Variants in RAD51B observed in about 807,000 individuals in gnomAD.
The protein encoded by RAD51B is DNA repair protein RAD51 homolog 2.
A neutral mutation model predicts 42.2 loss-of-function variants in RAD51B; 38 were observed. The observed-to-expected ratio is 0.90, with a 90% CI of 0.70 to 1.18. The LOEUF is 1.18. Ranked by LOEUF, RAD51B falls within the 50% of genes most tolerant of loss-of-function variation. The probability of loss-of-function intolerance (pLI) is 0.00; values close to 1 mark genes in which losing one functional copy is unlikely to be tolerated. For synonymous variants in RAD51B, 154 were observed against 145.2 expected (o/e 1.06, Z -0.43); for missense variants, 373 against 400.7 (o/e 0.93, Z 0.59).
chr14:67,875,195 A>G (rs1167242037), intron 5 of RAD51B, among the ~76,000 whole-genome samples: 1 of 152,188 alleles, frequency 6.6e-6, no homozygotes, highest in Admixed American at 6.5e-5. Context: ...TGGGAAGACA[A>G]TTAGTCCAGC....
intron 8 of RAD51B, among the ~76,000 whole-genome samples, chr14:68,292,478 G>C (rs535930232): frequency 6.6e-6 from 1 of 152,324 alleles, no homozygotes; most frequent in Admixed American, 6.5e-5. Flanking sequence ...TGCTAGCAAA[G>C]GTCAGGCTGG....
At chr14:68,241,555 TA>T (rs886678932) in intron 7 of RAD51B, among the ~76,000 whole-genome samples, 16 of 151,494 alleles carry the variant, frequency 1.1e-4, no homozygotes, top group African/African-American at 3.9e-4. Context: ...TATAAAAAAA[TA>T]AAAAAAAATT....
intron 5 of RAD51B, among the ~76,000 whole-genome samples, chr14:67,882,541 C>G (rs2042939343): frequency 6.6e-6 from 1 of 152,194 alleles, no homozygotes; most frequent in Non-Finnish European, 1.5e-5. Context: ...GATTCATATT[C>G]ATTTGCGTAA....
At chr14:68,275,794 C>CACA (rs2081209793) in intron 7 of RAD51B, among the ~76,000 whole-genome samples, 1 of 141,268 alleles carries the variant, frequency 7.1e-6, no homozygotes, top group African/African-American at 2.7e-5. Flanking sequence ...AACTAGCTCT[C>CACA]CACACACACA....
intron 7 of RAD51B, among the ~76,000 whole-genome samples, chr14:68,065,470 C>T (rs1241407262): frequency 1.3e-5 from 2 of 152,198 alleles, no homozygotes; most frequent in Non-Finnish European, 2.9e-5. Context: ...GGCTTGGGCA[C>T]TGCTTCCCTA....
intron 7 of RAD51B, among the ~76,000 whole-genome samples, chr14:68,198,573 G>A (rs1317267839): frequency 2.6e-5 from 4 of 152,074 alleles, no homozygotes; most frequent in African/African-American, 9.7e-5. Flanking sequence ...CCATGATCAT[G>A]TTTTCTCTCC....
intron 7 of RAD51B, among the ~76,000 whole-genome samples, chr14:68,071,461 G>A (rs1184223882): frequency 6.6e-6 from 1 of 152,036 alleles, no homozygotes; most frequent in Non-Finnish European, 1.5e-5. Context: ...TTTGTTTTTA[G>A]CACAAAAGGA....
intron 8 of RAD51B, among the ~76,000 whole-genome samples, chr14:68,375,324 C>A (rs541180273): frequency 1.2e-4 from 19 of 152,068 alleles, no homozygotes; most frequent in Non-Finnish European, 1.9e-4. Context: ...ATACTTTCTA[C>A]TTTTTATTCT....
chr14:68,490,694 A>G (rs1883996116), intron 10 of RAD51B, among the ~76,000 whole-genome samples: 2 of 152,210 alleles, frequency 1.3e-5, no homozygotes, highest in Admixed American at 1.3e-4. Context: ...CAAATCATCA[A>G]AGCTTTATTG....
At chr14:68,188,330 C>G (rs2079197323) in intron 7 of RAD51B, among the ~76,000 whole-genome samples, 1 of 149,332 alleles carries the variant, frequency 6.7e-6, no homozygotes, top group Admixed American at 6.7e-5. Context: ...CCTCCATTAC[C>G]TCCTCCCTTC....
intron 7 of RAD51B, among the ~76,000 whole-genome samples, chr14:67,906,725 G>A (rs1405274494): frequency 6.6e-6 from 1 of 151,788 alleles, no homozygotes; most frequent in African/African-American, 2.4e-5. Flanking sequence ...TATTTCTGTG[G>A]GGTTGCTGGT....
At chr14:68,230,947 A>T (rs1275187072) in intron 7 of RAD51B, among the ~76,000 whole-genome samples, 1 of 152,194 alleles carries the variant, frequency 6.6e-6, no homozygotes, top group African/African-American at 2.4e-5. Flanking sequence ...TTGGAGTTAA[A>T]CTGTCAGAAG....
intron 7 of RAD51B, among the ~76,000 whole-genome samples, chr14:67,982,400 T>C (rs1011124825): frequency 3.3e-5 from 5 of 152,186 alleles, no homozygotes; most frequent in African/African-American, 1.2e-4. Context: ...TAAATGTAAA[T>C]ATAATTTATG....
chr14:68,206,734 GTACC>G (rs1198255781), intron 7 of RAD51B, among the ~76,000 whole-genome samples: 1 of 145,210 alleles, frequency 6.9e-6, no homozygotes, highest in Admixed American at 6.9e-5. Context: ...GGCACACCTT[GTACC>G]TACTCTGCCT....
At chr14:68,131,569 G>A (rs977185710) in intron 7 of RAD51B, among the ~76,000 whole-genome samples, 14 of 152,086 alleles carry the variant, frequency 9.2e-5, no homozygotes, top group East Asian at 3.9e-4. Context: ...GGTGTCATGC[G>A]TCTATAATCC....
intron 7 of RAD51B, among the ~76,000 whole-genome samples, chr14:68,254,537 A>G (rs1392029888): frequency 6.6e-6 from 1 of 152,214 alleles, no homozygotes; most frequent in East Asian, 1.9e-4. Flanking sequence ...TGTTCCAGGT[A>G]CCTTTAAATA....
rs542534657 is a variant in RAD51B, at chr14:68,139,621, A to G, written c.757-152263A>G. On this transcript the variant is annotated intron_variant, in intron 7 of 10. Transcript: ENST00000471583. ...GCACTCCCACTGCCTCACTCTTAGCAGAGTACTTGATTCTTCTCAATCCCA... is the reference window on the plus strand; with the variant it reads ...GCACTCCCACTGCCTCACTCTTAGCGGAGTACTTGATTCTTCTCAATCCCA... 3.3e-5 allele frequency among the ~76,000 whole-genome samples: 5 copies of G among 152,374 alleles called. No individual in the cohort carries two copies. In the South Asian group the frequency reaches 8.3e-4, roughly 25 times the overall value.
At chr14:68,096,790 C>T (rs943735550) in intron 7 of RAD51B, among the ~76,000 whole-genome samples, 1 of 150,892 alleles carries the variant, frequency 6.6e-6, no homozygotes, top group Non-Finnish European at 1.5e-5. Flanking sequence ...CTAATAGCTG[C>T]AAAGGAATAA....
intron 7 of RAD51B, among the ~76,000 whole-genome samples, chr14:68,052,651 C>T (rs2076412061): frequency 6.6e-6 from 1 of 150,892 alleles, no homozygotes; most frequent in African/African-American, 2.4e-5. Context: ...GATGAGGTCT[C>T]ACTCTGTTGC....
Sources: gnomAD v4.1 joint callset for allele counts (sites outside exome capture counted in the v4.1 genomes callset) on GRCh38, gnomAD v4.1.1 for gene constraint, MANE v1.5 for transcripts, NCBI Gene and HGNC (gene_info 2026-07-23, HGNC 2026-07-21) for gene names.